SSC4D: variants seen among roughly 807,000 people sequenced by gnomAD.
The protein encoded by SSC4D is scavenger receptor cysteine rich family member with 4 domains, also known as scavenger receptor cysteine-rich domain-containing group B protein.
Under a neutral mutation model 63.4 loss-of-function variants are expected in SSC4D, and 57 were observed. That is an observed-to-expected ratio of 0.90 (90% CI 0.73 to 1.12). The LOEUF is 1.12. Ranked by LOEUF, SSC4D falls within the 50% of genes most tolerant of loss-of-function variation. The pLI is 0.00. For missense variants in SSC4D, 791 were observed against 806.4 expected, an observed-to-expected ratio of 0.98 and a Z score of 0.23; for synonymous variants, 352 against 345.4, an observed-to-expected ratio of 1.02 and a Z score of -0.21.
intron 6 of SSC4D, among the ~76,000 whole-genome samples, chr7:76,397,027 C>T (rs1437883535): frequency 2.6e-5 from 4 of 152,166 alleles, no homozygotes; most frequent in Non-Finnish European, 5.9e-5. Flanking sequence ...ATTCTGGAGG[C>T]ATTCTTGGGA....
At chr7:76,391,854 G>A in intron 10 of SSC4D, 110 bp downstream of exon 10, 1 of 1,119,006 alleles carries the variant, frequency 8.9e-7, no homozygotes, top group Non-Finnish European at 1.3e-6. Flanking sequence ...AGACTTCCAG[G>A]TCCCGGTGTG....
At chr7:76,392,804 A>T (rs1054691997) in intron 9 of SSC4D, among the ~76,000 whole-genome samples, 6 of 152,084 alleles carry the variant, frequency 3.9e-5, no homozygotes, top group Non-Finnish European at 8.8e-5. Context: ...AAAGAAAAAA[A>T]AAAAGAAATA....
intron 4 of SSC4D, among the ~76,000 whole-genome samples, chr7:76,399,638 C>G (rs1206718893): frequency 6.6e-6 from 1 of 152,040 alleles, no homozygotes; most frequent in African/African-American, 2.4e-5. Context: ...CAGACTCCAG[C>G]GATCCTCCCT....
intron 1 of SSC4D, among the ~76,000 whole-genome samples, chr7:76,405,274 TATATATATATATATATATATATA>T (rs1804964765): frequency 9.4e-4 from 20 of 21,248 alleles, no homozygotes; most frequent in Non-Finnish European, 1.4e-3. Flanking sequence ...CAGCTAATTA[TATATATATATATATATATATATA>T]TATATATATA....
intron 6 of SSC4D, 35 bp downstream of exon 6, chr7:76,397,482 TG>T: frequency 8.8e-7 from 1 of 1,133,290 alleles, no homozygotes; most frequent in Non-Finnish European, 1.2e-6. Context: ...CCCGCCCACC[TG>T]CCCCGGCCCC....
At position 76,393,653 on chromosome 7, in the gene SSC4D, G is replaced by C. The variant is rs543856931; in HGVS notation, c.1085C>G (p.Ala362Gly). 2 of 1,476,994 alleles carry C rather than the reference G, an allele frequency of 1.4e-6. No homozygotes were observed. Among genetic ancestry groups the C allele is most frequent in the South Asian group, 1.3e-5 (1 of 77,678 alleles). 91.5% of individuals were successfully genotyped at this position (1,476,994 alleles called of 1,614,324 possible). A position where few individuals can be genotyped will look rare whatever the true frequency, so the allele number is the denominator to read the frequency against. ...GTCGCACACGGTGCCCCAGCCCCCG[G>C]CGTGCAACACCTCCACGCGGCCGCG... ...PCRGRVEVLH[A>G]GGWGTVCDDD... The change falls in exon 9 of 11, where the codon GCC becomes GGC. Residue 362 changes from alanine (A) to glycine (G), a missense_variant. Coordinates refer to ENST00000275560, the MANE Select transcript of SSC4D (RefSeq NM_080744.2).
At chr7:76,391,159 C>A (rs1023206690) in intron 10 of SSC4D, among the ~76,000 whole-genome samples, 2 of 149,358 alleles carry the variant, frequency 1.3e-5, no homozygotes, top group Admixed American at 6.7e-5. Context: ...TGGGGCCAGG[C>A]GCAGTGGCTC....
intron 2 of SSC4D, among the ~76,000 whole-genome samples, chr7:76,403,067 C>A (rs1389456384): frequency 6.6e-6 from 1 of 152,180 alleles, no homozygotes; most frequent in Non-Finnish European, 1.5e-5. Flanking sequence ...TGAGATTAGA[C>A]AACTTACTCA....
At chr7:76,393,384 C>T (rs1804544607) in intron 9 of SSC4D, 21 bp downstream of exon 9, 2 of 1,336,160 alleles carry the variant, frequency 1.5e-6, no homozygotes, top group South Asian at 3.7e-5. Flanking sequence ...CTGTCAGCCT[C>T]ACCTTCGCTG....
Position 76,393,337 on chromosome 7 carries a change from C to T in SSC4D, c.1333+68G>A, listed in dbSNP as rs972446497. 15 of 1,281,394 alleles carry T rather than the reference C, an allele frequency of 1.2e-5. No homozygotes were observed. The African/African-American group carries it at 2.0e-4, about 17-fold the overall frequency. 79.4% of individuals were successfully genotyped at this position (1,281,394 alleles called of 1,614,324 possible). ...CGCAAGAGAGGCCTCGCGCGTGGCGCCGCCCCGCCCCTCCCACGCCGCAGT... is the reference window on the plus strand; with the variant it reads ...CGCAAGAGAGGCCTCGCGCGTGGCGTCGCCCCGCCCCTCCCACGCCGCAGT... On this transcript the variant is annotated intron_variant, in intron 9 of 10. Transcript: ENST00000275560.
rs527689556 is a variant in SSC4D at position 76,404,213 on chromosome 7, C to T, written c.133+94G>A. On this transcript the variant is annotated intron_variant, in intron 2 of 10. Transcript: ENST00000275560. ...CATTGGAAAGAACAACAGGAACGAGCTCATTCACAACCCTCCTCCTACTAT... is the reference window on the plus strand; with the variant it reads ...CATTGGAAAGAACAACAGGAACGAGTTCATTCACAACCCTCCTCCTACTAT... The T allele has an allele frequency of 1.5e-3, 2,179 of 1,427,710 alleles. 3 individuals are homozygous for T. Among genetic ancestry groups the T allele is most frequent in the Non-Finnish European group, 1.8e-3 (1,972 of 1,080,402 alleles). The allele number at this position is 1,427,710 out of a possible 1,614,324, so 88.4% of individuals were successfully genotyped here.
At chr7:76,406,225 G>A (rs1465478229) in intron 1 of SSC4D, among the ~76,000 whole-genome samples, 3 of 151,988 alleles carry the variant, frequency 2.0e-5, no homozygotes, top group East Asian at 3.9e-4. Flanking sequence ...TGATCCACGC[G>A]CCTCAGCCTC....
At position 76,395,213 on chromosome 7, in the gene SSC4D, A is replaced by G. The variant is rs767340793; in HGVS notation, c.946+40T>C. The G allele has an allele frequency of 8.1e-6, 13 of 1,609,248 alleles. No homozygotes were observed. The African/African-American group carries it at 1.3e-4, about 17-fold the overall frequency. ...TTCCCAGTTCCCAGCCGCACCCACC[A>G]TACCCCTACCATTCCCGCCTGGAGG... On this transcript the variant is annotated intron_variant, in intron 7 of 10. Transcript: ENST00000275560.
At chr7:76,403,313 G>T (rs139830136) in intron 2 of SSC4D, among the ~76,000 whole-genome samples, 2 of 151,812 alleles carry the variant, frequency 1.3e-5, no homozygotes, top group East Asian at 1.9e-4. Context: ...ACTTGTGTAC[G>T]CATTTTACTG....
chr7:76,395,751 G>GTGCGATCTCCGCTCAC (rs1804622652), intron 6 of SSC4D, among the ~76,000 whole-genome samples: 1 of 152,198 alleles, frequency 6.6e-6, no homozygotes, highest in Non-Finnish European at 1.5e-5. Context: ...GAGTGCAATG[G>GTGCGATCTCCGCTCAC]TGCGATCTCC....
At chr7:76,393,096 G>A (rs1260353559) in intron 9 of SSC4D, among the ~76,000 whole-genome samples, 1 of 152,202 alleles carries the variant, frequency 6.6e-6, no homozygotes, top group African/African-American at 2.4e-5. Context: ...CACCCTTTAC[G>A]GACTTGATGC....
Position 76,404,361 on chromosome 7 carries a change from CA to C in SSC4D, c.78del (p.Ser26ArgfsTer33). Reference sequence around the variant, plus strand: ...GCTTGGGGGAGGAAGGGAGGGGCAGCACTCCCATCTCCCAACCTCCACCCCC... The same window carrying C: ...GCTTGGGGGAGGAAGGGAGGGGCAGCCTCCCATCTCCCAACCTCCACCCCC... ...KRWGWRLGDG[S>X]AAPPFLPQAL... On this transcript the variant is annotated frameshift_variant, in exon 2 of 11. Coordinates refer to ENST00000275560, the MANE Select transcript of SSC4D (RefSeq NM_080744.2). LOFTEE classifies it high-confidence loss of function. 2 of 1,613,336 alleles carry C rather than the reference CA, an allele frequency of 1.2e-6. No homozygotes were observed. Among genetic ancestry groups the C allele is most frequent in the Non-Finnish European group, 1.7e-6 (2 of 1,179,732 alleles).
chr7:76,392,183 C>T (rs1804507195), intron 9 of SSC4D, 142 bp from the exon 10 acceptor site: 1 of 762,348 alleles, frequency 1.3e-6, no homozygotes, highest in Admixed American at 2.8e-5. Flanking sequence ...GAACTGCTCC[C>T]CTTGATCAGA....
rs1805181749 is a variant in SSC4D at position 76,409,636 on chromosome 7, G to C, written c.-289C>G. On this transcript the variant is annotated 5_prime_UTR_variant, in exon 1 of 11. Coordinates refer to ENST00000275560, the MANE Select transcript of SSC4D (RefSeq NM_080744.2). ...CAGCCTGTCCCCATCCGACCTTAGG[G>C]ACAGCAAGAAGCAAAGGGGAGTGGA... 1 of 152,384 alleles carries C rather than the reference G, an allele frequency of 6.6e-6. No homozygotes were observed. Among genetic ancestry groups the C allele is most frequent in the Admixed American group, 6.5e-5 (1 of 15,270 alleles). 9.4% of individuals were successfully genotyped at this position (152,384 alleles called of 1,614,324 possible).
Sources: allele counts gnomAD v4.1 joint callset (sites outside exome capture counted in the v4.1 genomes callset), GRCh38; gene constraint gnomAD v4.1.1; transcripts MANE v1.5; gene names NCBI Gene and HGNC (gene_info 2026-07-23, HGNC 2026-07-21).